SPOPL: variants seen among roughly 807,000 people sequenced by gnomAD.
The protein encoded by SPOPL is speckle-type POZ protein-like.
SPOPL carries 23 observed loss-of-function variants against 53.8 expected under a neutral mutation model. That is an observed-to-expected ratio of 0.43 (90% confidence interval 0.31 to 0.61). The LOEUF is 0.61. SPOPL is among the 20% of genes least tolerant of loss of function. The pLI, the probability that SPOPL is intolerant of heterozygous loss-of-function variation, is 0.12. For missense variants in SPOPL, 442 were observed against 466.9 expected (o/e 0.95, Z 0.49); for synonymous variants, 164 against 149.7 (o/e 1.10, Z -0.70).
rs199790260 is a variant in SPOPL at position 138,564,890 on chromosome 2, A to G, written c.980+40A>G. On this transcript the variant is annotated intron_variant, in intron 9 of 10. Coordinates refer to ENST00000280098, the MANE Select transcript of SPOPL (RefSeq NM_001001664.3). Reference sequence around the variant, plus strand: ...TATTTCAGTGGGCATGACAACTTCAATATTTTTTCTCTGGACTTTTTTTTA... The same window carrying G: ...TATTTCAGTGGGCATGACAACTTCAGTATTTTTTCTCTGGACTTTTTTTTA... 5.6e-6 allele frequency: 9 copies of G among 1,613,820 alleles called. No individual in the cohort carries two copies. In the East Asian group the frequency reaches 1.1e-4, roughly 20 times the overall value.
chr2:138,550,395 T>A (rs1685288117), intron 2 of SPOPL, 88 bp from the exon 3 acceptor site: 1 of 1,584,436 alleles, frequency 6.3e-7, no homozygotes. Flanking sequence ...TTAGAAGTGT[T>A]AGAAGACTGG....
At chr2:138,520,672 T>C (rs979359530) in intron 1 of SPOPL, among the ~76,000 whole-genome samples, 1 of 152,134 alleles carries the variant, frequency 6.6e-6, no homozygotes, top group Admixed American at 6.6e-5. Context: ...CTCAAATGGG[T>C]CAATGAATAA....
At chr2:138,552,243 G>A (rs758315714) in intron 4 of SPOPL, among the ~76,000 whole-genome samples, 1 of 151,912 alleles carries the variant, frequency 6.6e-6, no homozygotes, top group African/African-American at 2.4e-5. Context: ...TTGTCTTTTA[G>A]GGCCAATCTT....
intron 1 of SPOPL, among the ~76,000 whole-genome samples, chr2:138,509,356 G>T (rs1684280237): frequency 6.6e-6 from 1 of 152,078 alleles, no homozygotes; most frequent in African/African-American, 2.4e-5. Context: ...CTGCAGAACT[G>T]AAGATTGATA....
chr2:138,538,796 G>T (rs34898006), intron 1 of SPOPL, among the ~76,000 whole-genome samples: 1 of 151,118 alleles, frequency 6.6e-6, no homozygotes, highest in African/African-American at 2.4e-5. Flanking sequence ...TGTGCACAAC[G>T]TGCAGGTTAG....
At chr2:138,517,467 G>T (rs1003370626) in intron 1 of SPOPL, among the ~76,000 whole-genome samples, 4 of 152,160 alleles carry the variant, frequency 2.6e-5, no homozygotes, top group African/African-American at 9.6e-5. Flanking sequence ...CTTGCCGGGT[G>T]CGGTGACTCA....
intron 7 of SPOPL, among the ~76,000 whole-genome samples, chr2:138,559,993 A>G (rs181987962): frequency 1.3e-4 from 19 of 151,750 alleles, no homozygotes; most frequent in African/African-American, 2.9e-4. Context: ...GGGAGATGCT[A>G]TGATCAGCCT....
Position 138,552,542 on chromosome 2 carries a change from G to A in SPOPL, c.353-12G>A, listed in dbSNP as rs1268110493. 1.2e-6 allele frequency: 2 copies of A among 1,601,002 alleles called. No homozygotes were observed. Among genetic ancestry groups the A allele is most frequent in the African/African-American group, 1.4e-5 (1 of 73,900 alleles). On this transcript the variant is annotated splice_polypyrimidine_tract_variant and intron_variant, in intron 4 of 10. Transcript: ENST00000280098. ...ATTTATTTTATTTAAACTCTATTCT[G>A]TTTTCCACCAGAAAGCCAAAGAGCA...
At chr2:138,528,489 TA>T (rs1346079099) in intron 1 of SPOPL, among the ~76,000 whole-genome samples, 1 of 152,260 alleles carries the variant, frequency 6.6e-6, no homozygotes, top group Non-Finnish European at 1.5e-5. Flanking sequence ...GTTATTGGTT[TA>T]TTTTTTTGTA....
chr2:138,526,674 G>A (rs1434018110), intron 1 of SPOPL, among the ~76,000 whole-genome samples: 1 of 151,496 alleles, frequency 6.6e-6, no homozygotes, highest in African/African-American at 2.4e-5. Context: ...TTTCAAGTAT[G>A]TGTTGTCTGA....
At chr2:138,504,831 T>C (rs1684179439) in intron 1 of SPOPL, among the ~76,000 whole-genome samples, 1 of 152,228 alleles carries the variant, frequency 6.6e-6, no homozygotes, top group South Asian at 2.1e-4. Flanking sequence ...AGAAGAGTAA[T>C]ATGCAGTCTC....
rs1685815584 is a variant in SPOPL, at chr2:138,572,830, AACTC to A, written c.*3751_*3754del. 1 of 152,564 alleles carries A rather than the reference AACTC, an allele frequency of 6.6e-6. No individual in the cohort carries two copies. Among genetic ancestry groups the A allele is most frequent in the Non-Finnish European group, 1.5e-5 (1 of 68,004 alleles). The allele number at this position is 152,564 out of a possible 1,614,324, so 9.5% of individuals were successfully genotyped here. A position where few individuals can be genotyped will look rare whatever the true frequency, so the allele number is the denominator to read the frequency against. On this transcript the variant is annotated 3_prime_UTR_variant, in exon 11 of 11. Coordinates refer to ENST00000280098, the MANE Select transcript of SPOPL (RefSeq NM_001001664.3). ...TTGAGTGCCTATCATATGCAAGACT[AACTC>A]CTTACTAGGAATGAAATCACACAGT...
chr2:138,522,602 T>C (rs951500948), intron 1 of SPOPL, among the ~76,000 whole-genome samples: 13 of 152,280 alleles, frequency 8.5e-5, no homozygotes, highest in African/African-American at 3.1e-4. Context: ...TTTTTTCCTG[T>C]CCTTAGCCAA....
intron 1 of SPOPL, among the ~76,000 whole-genome samples, chr2:138,538,345 A>C (rs1384317574): frequency 6.6e-6 from 1 of 151,938 alleles, no homozygotes; most frequent in Admixed American, 6.6e-5. Context: ...TCTCTCTTTA[A>C]TTCTGTTAGT....
At chr2:138,561,063 G>GATAGAAAGCATATCAGAGGTATCACCTA in intron 8 of SPOPL, 136 bp downstream of exon 8, 1 of 1,045,464 alleles carries the variant, frequency 9.6e-7, no homozygotes, top group South Asian at 1.7e-5. Context: ...AGCATACAGT[G>GATAGAAAGCATATCAGAGGTATCACCTA]GGGTAATCTG....
intron 5 of SPOPL, among the ~76,000 whole-genome samples, chr2:138,556,695 TAGG>T (rs772807372): frequency 1.6e-4 from 24 of 152,232 alleles, no homozygotes; most frequent in Middle Eastern, 3.2e-3. Flanking sequence ...CTTGATAAGA[TAGG>T]AGCACCTTTA....
At chr2:138,549,354 C>T (rs1282489173) in intron 1 of SPOPL, among the ~76,000 whole-genome samples, 1 of 152,092 alleles carries the variant, frequency 6.6e-6, no homozygotes. Context: ...GTTCTGCAGA[C>T]TTCAGTATAT....
chr2:138,540,680 A>G (rs1473963576), intron 1 of SPOPL, among the ~76,000 whole-genome samples: 3 of 152,194 alleles, frequency 2.0e-5, no homozygotes, highest in African/African-American at 7.2e-5. Context: ...CAATCATGTC[A>G]TCTGCAAACA....
chr2:138,522,063 C>T (rs116177613), intron 1 of SPOPL, among the ~76,000 whole-genome samples: 1,627 of 152,178 alleles, frequency 0.011, 33 homozygotes, highest in African/African-American at 0.037. Context: ...GAAGCTGACC[C>T]GGACCCGCTG....
Sources: gnomAD v4.1 joint callset for allele counts (sites outside exome capture counted in the v4.1 genomes callset) on GRCh38, gnomAD v4.1.1 for gene constraint, MANE v1.5 for transcripts, NCBI Gene and HGNC (gene_info 2026-07-23, HGNC 2026-07-21) for gene names.